The following THNSL1 variants were observed in gnomAD, a reference collection of about 807,000 sequenced individuals.
The protein encoded by THNSL1 is threonine synthase like 1.
In THNSL1, 48 loss-of-function variants were observed where a neutral mutation model predicts 50.4. The ratio of observed to expected loss-of-function variants is 0.95; its 90% confidence interval spans 0.76 to 1.21. The LOEUF is 1.21. Ranked by LOEUF, THNSL1 falls within the 50% of genes most tolerant of loss-of-function variation. THNSL1 has a pLI of 0.00. For synonymous variants in THNSL1, 309 were observed against 306.1 expected, an observed-to-expected ratio of 1.01 and a Z score of -0.10; for missense variants, 896 against 871.7, an observed-to-expected ratio of 1.03 and a Z score of -0.35.
rs1445135311 is a variant in THNSL1, at chr10:25,016,665, G to C, written c.-243G>C. On this transcript the variant is annotated 5_prime_UTR_variant, in exon 1 of 3. Transcript: ENST00000376356. The stretch of plus-strand genomic sequence containing the variant: ...GGCACAGGCGCAGAGTCCACTGCGC[G>C]GGGGCGGGACCGGGGAGCTAGCTGC... 2 of 152,432 alleles carry C rather than the reference G, an allele frequency of 1.3e-5. No individual in the cohort carries two copies. Among genetic ancestry groups the C allele is most frequent in the African/African-American group, 4.8e-5 (2 of 41,462 alleles). The allele number at this position is 152,432 out of a possible 1,614,324, so 9.4% of individuals were successfully genotyped here. A position where few individuals can be genotyped will look rare whatever the true frequency, so the allele number is the denominator to read the frequency against.
the THNSL1 span, among the ~76,000 whole-genome samples, chr10:24,998,441 C>A: frequency 4.1e-5 from 6 of 147,680 alleles, no homozygotes; most frequent in African/African-American, 1.5e-4. Flanking sequence ...GTGGCTTGAT[C>A]ATAGCTCACT....
chr10:24,955,656 T>A, the THNSL1 span, among the ~76,000 whole-genome samples: 1 of 152,170 alleles, frequency 6.6e-6, no homozygotes, highest in East Asian at 1.9e-4. Context: ...TCTTTTAAGG[T>A]TGATGGGGCT....
Position 25,024,355 on chromosome 10 carries a change from A to G in THNSL1, c.1132A>G (p.Thr378Ala). The change falls in exon 3 of 3, where the codon ACT (threonine) becomes GCT (alanine). Residue 378 changes from threonine (T) to alanine (A), a missense_variant. Transcript: ENST00000376356. ...PSCNYMILVATSGDTGSAVLN... is the reference protein window; with the variant it reads ...PSCNYMILVAASGDTGSAVLN... Reference sequence around the variant, plus strand: ...TTGCAATTATATGATACTTGTAGCTACTTCAGGAGACACAGGGAGTGCAGT... The same window carrying G: ...TTGCAATTATATGATACTTGTAGCTGCTTCAGGAGACACAGGGAGTGCAGT... 1 of 1,614,090 alleles carries G rather than the reference A, an allele frequency of 6.2e-7. No individual in the cohort carries two copies.
chr10:24,970,067 C>T, the THNSL1 span, among the ~76,000 whole-genome samples: 1 of 152,144 alleles, frequency 6.6e-6, no homozygotes, highest in Non-Finnish European at 1.5e-5. Context: ...TTTAGCAATT[C>T]TTACAAAGTT....
the THNSL1 span, among the ~76,000 whole-genome samples, chr10:24,956,433 C>T: frequency 7.3e-5 from 11 of 150,126 alleles, no homozygotes; most frequent in Admixed American, 3.3e-4. Context: ...CTCTTTATTA[C>T]ATTTTAGCAG....
chr10:24,965,831 A>G, the THNSL1 span, among the ~76,000 whole-genome samples: 12 of 152,372 alleles, frequency 7.9e-5, no homozygotes, highest in African/African-American at 2.9e-4. Flanking sequence ...TAAAGATTTT[A>G]TATGAGAATA....
chr10:24,991,290 T>C, the THNSL1 span, among the ~76,000 whole-genome samples: 1 of 152,132 alleles, frequency 6.6e-6, no homozygotes, highest in African/African-American at 2.4e-5. Context: ...ACCTTCTACA[T>C]GCTTCAGTTT....
the THNSL1 span, among the ~76,000 whole-genome samples, chr10:24,987,318 C>T: frequency 6.6e-6 from 1 of 152,114 alleles, no homozygotes. Flanking sequence ...TCCCTTAACC[C>T]TACTTCACTT....
intron 1 of THNSL1, among the ~76,000 whole-genome samples, chr10:25,020,110 C>T (rs950884194): frequency 6.6e-6 from 1 of 151,966 alleles, no homozygotes. Context: ...TAGAATATAT[C>T]TTTATTGTTC....
chr10:25,024,146 C>T lies in THNSL1; in HGVS notation c.923C>T (p.Ala308Val), dbSNP rs752725022. The T allele has an allele frequency of 1.8e-4, 293 of 1,613,998 alleles. No individual in the cohort carries two copies. Among genetic ancestry groups the T allele is most frequent in the Middle Eastern group, 1.2e-3 (7 of 6,084 alleles). Residue 308 changes from alanine (A) to valine (V), a missense_variant, in exon 3 of 3, where the codon GCC (alanine) becomes GTC (valine). Coordinates refer to ENST00000376356, the MANE Select transcript of THNSL1 (RefSeq NM_024838.5). ...RCIHPADIPA[A>V]RLGEMIETAY... is the part of the protein sequence containing the mutation. Reference sequence around the variant, plus strand: ...ATCCATCCTGCAGACATACCTGCTGCCAGGTTGGGAGAAATGATTGAAACT... The same window carrying T: ...ATCCATCCTGCAGACATACCTGCTGTCAGGTTGGGAGAAATGATTGAAACT...
the THNSL1 span, among the ~76,000 whole-genome samples, chr10:24,976,022 C>A: frequency 1.8e-3 from 279 of 152,282 alleles, 1 homozygote; most frequent in Non-Finnish European, 9.6e-4. Context: ...CCATGGCAAA[C>A]CATTTGGTAA....
At chr10:24,996,588 A>T in the THNSL1 span, among the ~76,000 whole-genome samples, 2,543 of 152,228 alleles carry the variant, frequency 0.017, 78 homozygotes, top group African/African-American at 0.059. Flanking sequence ...GGTTTGCCAC[A>T]ATGCAAAAAT....
the THNSL1 span, among the ~76,000 whole-genome samples, chr10:24,970,771 C>T: frequency 2.0e-5 from 3 of 151,524 alleles, no homozygotes; most frequent in Non-Finnish European, 4.4e-5. Context: ...CGCCCGTAAT[C>T]CCAGCACTTT....
the THNSL1 span, among the ~76,000 whole-genome samples, chr10:25,007,717 AG>A: frequency 1.3e-5 from 2 of 152,122 alleles, no homozygotes; most frequent in Non-Finnish European, 2.9e-5. Flanking sequence ...TACAGGCTTG[AG>A]CGACTGCGCC....
chr10:25,022,649 A>G (rs556086698), intron 2 of THNSL1, among the ~76,000 whole-genome samples: 41 of 152,324 alleles, frequency 2.7e-4, no homozygotes, highest in African/African-American at 6.3e-4. Context: ...TATGACTTCT[A>G]TAAGAAATTT....
the THNSL1 span, chr10:24,953,112 G>C: frequency 6.6e-6 from 1 of 152,418 alleles, no homozygotes; most frequent in Non-Finnish European, 1.5e-5. Flanking sequence ...CGTGCTCTTG[G>C]AGGATGGGAA....
At chr10:25,016,605 G>C (rs1004488391), upstream of THNSL1, 1 of 152,386 alleles carries the variant, frequency 6.6e-6, no homozygotes, top group Non-Finnish European at 1.5e-5. Context: ...GCCGCTCGGG[G>C]AAGGGCGTGG....
the THNSL1 span, chr10:24,990,465 G>A: frequency 5.3e-5 from 86 of 1,611,064 alleles, no homozygotes; most frequent in Non-Finnish European, 8.5e-7. Flanking sequence ...ACACACACCT[G>A]CAAAACTGCC....
At chr10:24,964,215 C>T in the THNSL1 span, among the ~76,000 whole-genome samples, 1 of 152,258 alleles carries the variant, frequency 6.6e-6, no homozygotes, top group Non-Finnish European at 1.5e-5. Flanking sequence ...AACTCATCCC[C>T]TGCTATTCTT....
Sources: gnomAD v4.1 joint callset for allele counts (sites outside exome capture counted in the v4.1 genomes callset) on GRCh38, gnomAD v4.1.1 for gene constraint, MANE v1.5 for transcripts, NCBI Gene and HGNC (gene_info 2026-07-23, HGNC 2026-07-21) for gene names.